MARCO: variants seen among roughly 807,000 people sequenced by gnomAD.
MARCO encodes macrophage receptor with collagenous structure, also known as macrophage receptor MARCO.
A neutral mutation model predicts 70.0 loss-of-function variants in MARCO; 72 were observed. That is an observed-to-expected ratio of 1.03 (90% CI 0.85 to 1.25). The LOEUF (loss-of-function observed/expected upper bound fraction) is 1.25. MARCO is among the 50% of genes most tolerant of loss of function. MARCO has a pLI of 0.00. For missense variants in MARCO, 696 were observed against 659.3 expected (o/e 1.06, Z -0.61); for synonymous variants, 273 against 243.1 (o/e 1.12, Z -1.14).
At chr2:118,975,313 G>T (rs1331866591) in intron 6 of MARCO, among the ~76,000 whole-genome samples, 1 of 152,190 alleles carries the variant, frequency 6.6e-6, no homozygotes, top group East Asian at 1.9e-4. Context: ...ATGTGAAGAT[G>T]CGAAGACATT....
At chr2:118,943,643 C>T (rs1286504316) in intron 1 of MARCO, among the ~76,000 whole-genome samples, 1 of 152,194 alleles carries the variant, frequency 6.6e-6, no homozygotes, top group African/African-American at 2.4e-5. Context: ...GACACCTCTT[C>T]CAAAGTTTAA....
intron 4 of MARCO, among the ~76,000 whole-genome samples, chr2:118,973,145 G>GTC (rs1232735158): frequency 7.0e-6 from 1 of 143,714 alleles, no homozygotes; most frequent in Admixed American, 7.0e-5. Flanking sequence ...CTCTCTCCAT[G>GTC]TCTCTCTCTC....
intron 1 of MARCO, among the ~76,000 whole-genome samples, chr2:118,954,198 C>T (rs56071930): frequency 0.12 from 18,971 of 152,132 alleles, 1,336 homozygotes; most frequent in South Asian, 0.27. Flanking sequence ...CTCCCCCTCC[C>T]CCTGGAAACA....
chr2:118,981,710 G>A, intron 10 of MARCO, 54 bp downstream of exon 10: 3 of 1,528,212 alleles, frequency 2.0e-6, no homozygotes, highest in Non-Finnish European at 2.7e-6. Flanking sequence ...CCCTGGCAGA[G>A]TGAAGCTGGG....
Position 118,967,971 on chromosome 2 carries a change from C to T in MARCO, c.98-1189C>T, listed in dbSNP as rs540124221. ...AGTGAGGCAAGCTCAGGCCTTGAAG[C>T]TAGACCAACCTGGGGTCATATGCCT... On this transcript the variant is annotated intron_variant, in intron 1 of 16. Coordinates refer to ENST00000327097, the MANE Select transcript of MARCO (RefSeq NM_006770.4). 1.9e-3 allele frequency among the ~76,000 whole-genome samples: 294 copies of T among 152,290 alleles called. 2 individuals carry two copies. Among genetic ancestry groups the T allele is most frequent in the Non-Finnish European group, 3.3e-3 (225 of 68,024 alleles).
chr2:118,977,727 C>T, intron 7 of MARCO, 101 bp from the exon 8 acceptor site: 5 of 935,234 alleles, frequency 5.3e-6, no homozygotes, highest in Non-Finnish European at 6.5e-6. Flanking sequence ...ATCTGGGGAT[C>T]CCATTCCCTT....
intron 12 of MARCO, among the ~76,000 whole-genome samples, chr2:118,988,283 G>T (rs1435906237): frequency 6.6e-6 from 1 of 152,056 alleles, no homozygotes; most frequent in Non-Finnish European, 1.5e-5. Flanking sequence ...GCTTCCCTAT[G>T]ATTCCTGTCT....
chr2:118,972,762 C>T (rs1305810295), intron 4 of MARCO, among the ~76,000 whole-genome samples: 1 of 152,214 alleles, frequency 6.6e-6, no homozygotes, highest in Non-Finnish European at 1.5e-5. Context: ...CTGATGAATG[C>T]TGGCTCCTCT....
chr2:118,942,225 T>C lies in MARCO; in HGVS notation c.-76T>C. ...AGCTGCAGTGGTTCGATGGGAAGGA[T>C]CTTTCTCCAAGTGGTTCCTCTTGAG... On this transcript the variant is annotated 5_prime_UTR_variant, in exon 1 of 17. Transcript: ENST00000327097. The C allele has an allele frequency of 1.1e-6, 1 of 916,120 alleles. No individual in the cohort carries two copies. Among genetic ancestry groups the C allele is most frequent in the South Asian group, 1.4e-5 (1 of 71,574 alleles). 56.7% of individuals were successfully genotyped at this position (916,120 alleles called of 1,614,324 possible).
At chr2:118,982,823 G>C (rs918307640) in intron 12 of MARCO, among the ~76,000 whole-genome samples, 16 of 152,150 alleles carry the variant, frequency 1.1e-4, no homozygotes, top group African/African-American at 3.1e-4. Context: ...TTTTCCTAGG[G>C]GGGCAGCCTG....
rs1297849084 is a variant in MARCO at position 118,965,057 on chromosome 2, C to T, written c.98-4103C>T. Among the ~76,000 whole-genome samples the T allele has an allele frequency of 3.3e-5, 5 of 152,018 alleles. No individual in the cohort carries two copies. The East Asian group carries it at 5.8e-4, about 18-fold the overall frequency. ...GATTTCTTTGAGTTTATCATGTTTG[C>T]GATTTTGGCAGTTTCTTTAATCTGT... On this transcript the variant is annotated intron_variant, in intron 1 of 16. Transcript: ENST00000327097.
intron 1 of MARCO, among the ~76,000 whole-genome samples, chr2:118,946,992 C>T (rs1573371869): frequency 6.6e-6 from 1 of 151,988 alleles, no homozygotes; most frequent in African/African-American, 2.4e-5. Context: ...GTGTCTTTTG[C>T]CCATGTTTTA....
At chr2:118,958,407 CAAAA>C (rs35333881) in intron 1 of MARCO, among the ~76,000 whole-genome samples, 4 of 127,438 alleles carry the variant, frequency 3.1e-5, no homozygotes, top group Non-Finnish European at 3.5e-5. Context: ...GCAATAGCTG[CAAAA>C]AAAAAAAAAA....
intron 1 of MARCO, among the ~76,000 whole-genome samples, chr2:118,961,189 G>T (rs974584244): frequency 6.6e-6 from 1 of 152,076 alleles, no homozygotes; most frequent in Non-Finnish European, 1.5e-5. Flanking sequence ...GAAGAGTGCT[G>T]CAATGAACAT....
At chr2:118,990,541 C>A in intron 12 of MARCO, 48 bp from the exon 13 acceptor site, 1 of 1,581,976 alleles carries the variant, frequency 6.3e-7, no homozygotes, top group Non-Finnish European at 8.7e-7. Flanking sequence ...TGTCTAATAC[C>A]TAAGTTTTAT....
chr2:118,992,373 A>G, intron 14 of MARCO, 59 bp from the exon 15 acceptor site: 1 of 1,452,690 alleles, frequency 6.9e-7, no homozygotes, highest in Non-Finnish European at 9.7e-7. Context: ...ATGCAAATGC[A>G]GGCAAAGGCG....
At chr2:118,973,612 T>C (rs4849743) in intron 4 of MARCO, among the ~76,000 whole-genome samples, 19,439 of 152,090 alleles carry the variant, frequency 0.13, 1,378 homozygotes, top group South Asian at 0.27. Context: ...CAGAGGTTCC[T>C]TTGTTGAAAA....
chr2:118,983,052 T>C (rs1221000694), intron 12 of MARCO, among the ~76,000 whole-genome samples: 1 of 152,228 alleles, frequency 6.6e-6, no homozygotes, highest in African/African-American at 2.4e-5. Context: ...AATTCCTGCC[T>C]TTCTGCCCTG....
At position 118,993,257 on chromosome 2, in the gene MARCO, G is replaced by T. The variant is rs1291759010; in HGVS notation, c.1386G>T (p.Met462Ile). Residue 462 changes from methionine to isoleucine, a missense_variant, in exon 16 of 17, where the codon ATG (methionine) becomes ATT (isoleucine). By Grantham distance (10) the Met-to-Ile change is conservative. Around this residue, in one of 3 missense-constraint regions of MARCO, gnomAD observed 33 missense variants for 59.6 expected, o/e 0.55. Coordinates refer to ENST00000327097, the MANE Select transcript of MARCO (RefSeq NM_006770.4). ...QNSDAIVFCR[M>I]LGYSKGRALY... is the part of the protein sequence containing the mutation. ...CTGATGCCATTGTCTTCTGCCGCATGCTGGGTTACTCCAAAGGAAGGGCCC... is the reference window on the plus strand; with the variant it reads ...CTGATGCCATTGTCTTCTGCCGCATTCTGGGTTACTCCAAAGGAAGGGCCC... The T allele has an allele frequency of 3.7e-6, 6 of 1,614,162 alleles. No individual in the cohort carries two copies. The highest frequency in any genetic ancestry group is 4.2e-6 in the Non-Finnish European group (5 of 1,180,034).
Sources: allele counts gnomAD v4.1 joint callset (sites outside exome capture counted in the v4.1 genomes callset), GRCh38; gene constraint gnomAD v4.1.1; regional missense constraint gnomAD v4.1.1; transcripts MANE v1.5; gene names NCBI Gene and HGNC (gene_info 2026-07-23, HGNC 2026-07-21).